Variants in DLG2 observed in about 807,000 individuals in gnomAD.
DLG2 encodes discs large MAGUK scaffold protein 2, also known as disks large homolog 2.
A neutral mutation model predicts 132.5 loss-of-function variants in DLG2; 45 were observed. The observed-to-expected ratio is 0.34, with a 90% CI of 0.27 to 0.44. DLG2 has a LOEUF of 0.44. Among genes scored for constraint, DLG2 ranks in the 20% least tolerant of loss-of-function variants. DLG2 has a pLI of 1.00. For synonymous variants in DLG2, 424 were observed against 419.6 expected (o/e 1.01, Z -0.13); for missense variants, 1,045 against 1,196.9 (o/e 0.87, Z 1.87).
chr11:83,846,241 T>C (rs1461223110), intron 16 of DLG2, among the ~76,000 whole-genome samples: 1 of 152,182 alleles, frequency 6.6e-6, no homozygotes, highest in East Asian at 1.9e-4. Flanking sequence ...ATTTGGAGAA[T>C]AGTGAGTATC....
intron 3 of DLG2, among the ~76,000 whole-genome samples, chr11:85,482,932 T>C (rs1307117544): frequency 6.6e-6 from 1 of 152,222 alleles, no homozygotes; most frequent in Non-Finnish European, 1.5e-5. Context: ...ATATTTGATA[T>C]ATATCTGCTA....
chr11:84,172,224 T>C (rs1244191761), intron 8 of DLG2, among the ~76,000 whole-genome samples: 3 of 152,240 alleles, frequency 2.0e-5, no homozygotes, highest in African/African-American at 7.2e-5. Flanking sequence ...TATGAAGTTA[T>C]AATAAGACTG....
intron 4 of DLG2, among the ~76,000 whole-genome samples, chr11:85,208,929 G>T (rs910296365): frequency 2.6e-5 from 4 of 152,084 alleles, no homozygotes; most frequent in African/African-American, 9.7e-5. Context: ...AAAGGCTTAT[G>T]TAAGAAAACA....
intron 2 of DLG2, among the ~76,000 whole-genome samples, chr11:85,614,319 T>G (rs1309178798): frequency 1.5e-5 from 2 of 131,572 alleles, no homozygotes; most frequent in Non-Finnish European, 1.5e-5. Context: ...TGAACCAGGT[T>G]TTTTTTTTTT....
chr11:85,337,827 T>C (rs892395767), intron 3 of DLG2, among the ~76,000 whole-genome samples: 11 of 152,306 alleles, frequency 7.2e-5, no homozygotes, highest in South Asian at 2.1e-4. Context: ...CATTGGTGTA[T>C]TGAAGAAACA....
intron 9 of DLG2, among the ~76,000 whole-genome samples, chr11:84,144,656 T>C (rs1249613083): frequency 1.3e-5 from 2 of 152,116 alleles, no homozygotes; most frequent in Non-Finnish European, 2.9e-5. Context: ...AGGTCCACTA[T>C]TGAAAGAAAC....
At chr11:83,877,653 T>C (rs1203739524) in intron 15 of DLG2, among the ~76,000 whole-genome samples, 1 of 152,196 alleles carries the variant, frequency 6.6e-6, no homozygotes, top group Non-Finnish European at 1.5e-5. Flanking sequence ...GGTTAGCCAG[T>C]TTCTCCTAGC....
chr11:83,767,330 TTGATTAGAGAATTATCCCATCACC>T (rs2094187402), intron 18 of DLG2, among the ~76,000 whole-genome samples: 1 of 152,208 alleles, frequency 6.6e-6, no homozygotes, highest in Non-Finnish European at 1.5e-5. Flanking sequence ...TAATAATTAT[TTGATTAGAGAATTATCCCATCACC>T]TGGGATTACA....
At chr11:83,462,299 C>T in intron 26 of DLG2, 1 of 551,872 alleles carries the variant, frequency 1.8e-6, no homozygotes, top group Non-Finnish European at 3.2e-6. Context: ...AAAGGGCAGT[C>T]TCTTGGTCCC....
intron 3 of DLG2, among the ~76,000 whole-genome samples, chr11:85,513,762 T>C (rs1433892400): frequency 1.3e-5 from 2 of 151,958 alleles, no homozygotes; most frequent in Admixed American, 6.6e-5. Context: ...ATCTTTTTGT[T>C]ATTCAAAAAA....
intron 19 of DLG2, among the ~76,000 whole-genome samples, chr11:83,561,107 C>A (rs1214358913): frequency 1.3e-5 from 2 of 152,142 alleles, no homozygotes; most frequent in Non-Finnish European, 2.9e-5. Context: ...ATAACCAGAT[C>A]TTGTGATAAC....
intron 7 of DLG2, among the ~76,000 whole-genome samples, chr11:84,391,300 A>G (rs1398898534): frequency 6.6e-6 from 1 of 152,206 alleles, no homozygotes; most frequent in Non-Finnish European, 1.5e-5. Flanking sequence ...GTTATCCTTT[A>G]TATAAAAAAT....
At chr11:84,925,187 C>T (rs965961756) in intron 6 of DLG2, among the ~76,000 whole-genome samples, 1 of 151,922 alleles carries the variant, frequency 6.6e-6, no homozygotes, top group Non-Finnish European at 1.5e-5. Flanking sequence ...TTAGTAGTTG[C>T]CGGGATATTT....
At chr11:85,268,934 G>A (rs936652667) in intron 4 of DLG2, among the ~76,000 whole-genome samples, 5 of 152,172 alleles carry the variant, frequency 3.3e-5, no homozygotes, top group Admixed American at 3.3e-4. Context: ...TTTTAAGGAA[G>A]TATATGCTGC....
chr11:84,216,138 G>A (rs2096832518), intron 8 of DLG2, among the ~76,000 whole-genome samples: 1 of 152,098 alleles, frequency 6.6e-6, no homozygotes, highest in South Asian at 2.1e-4. Context: ...CTGGGTCTAA[G>A]CTCACTGGTT....
chr11:84,392,085 C>T (rs373014982), intron 7 of DLG2, among the ~76,000 whole-genome samples: 2 of 152,302 alleles, frequency 1.3e-5, no homozygotes, highest in South Asian at 2.1e-4. Context: ...GTATCTGTCA[C>T]AGATTTGTAC....
chr11:85,416,762 GA>G (rs2089894882), intron 3 of DLG2, among the ~76,000 whole-genome samples: 1 of 152,046 alleles, frequency 6.6e-6, no homozygotes, highest in South Asian at 2.1e-4. Flanking sequence ...TTGGTGTGTA[GA>G]AATGCTTGTG....
chr11:84,014,870 A>T (rs946975907), intron 11 of DLG2, among the ~76,000 whole-genome samples: 30 of 151,040 alleles, frequency 2.0e-4, no homozygotes, highest in East Asian at 5.8e-4. Context: ...GTTTTGAGAT[A>T]AAAAAAAGGC....
chr11:83,894,773 C>A (rs887843489), intron 15 of DLG2, among the ~76,000 whole-genome samples: 5 of 152,200 alleles, frequency 3.3e-5, no homozygotes, highest in Admixed American at 1.3e-4. Flanking sequence ...ACTTTTTTTA[C>A]CTTTAAAAAA....
Sources: gnomAD v4.1 joint callset for allele counts (sites outside exome capture counted in the v4.1 genomes callset) on GRCh38, gnomAD v4.1.1 for gene constraint, MANE v1.5 for transcripts, NCBI Gene and HGNC (gene_info 2026-07-23, HGNC 2026-07-21) for gene names.